Variants in HIPK2 observed in about 807,000 individuals in gnomAD.
HIPK2 encodes the protein homeodomain interacting protein kinase 2, also known as homeodomain-interacting protein kinase 2.
A neutral mutation model predicts 113.7 loss-of-function variants in HIPK2; 27 were observed. That is an observed-to-expected ratio of 0.24 (90% CI 0.17 to 0.33). The LOEUF is 0.33. HIPK2 is among the 10% of genes least tolerant of loss of function. The pLI is 1.00. For synonymous variants in HIPK2, 631 were observed against 642.2 expected (o/e 0.98, Z 0.26); for missense variants, 1,257 against 1,588.0 (o/e 0.79, Z 3.54).
chr7:139,645,476 G>A (rs765539411), intron 2 of HIPK2, among the ~76,000 whole-genome samples: 14 of 152,166 alleles, frequency 9.2e-5, no homozygotes, highest in African/African-American at 3.1e-4. Flanking sequence ...AACAGGTATC[G>A]TCTGAGGAGG....
intron 2 of HIPK2, among the ~76,000 whole-genome samples, chr7:139,710,576 A>G (rs1795032360): frequency 6.6e-6 from 1 of 152,206 alleles, no homozygotes; most frequent in South Asian, 2.1e-4. Context: ...AGAGACTGTG[A>G]ACTCTGCAAG....
chr7:139,592,137 T>G (rs961509193), intron 12 of HIPK2, among the ~76,000 whole-genome samples: 3 of 152,262 alleles, frequency 2.0e-5, no homozygotes, highest in African/African-American at 7.2e-5. Flanking sequence ...GGTCAAATTT[T>G]TTTTATATAT....
intron 2 of HIPK2, among the ~76,000 whole-genome samples, chr7:139,654,340 T>C (rs1419238068): frequency 6.6e-6 from 1 of 151,156 alleles, no homozygotes; most frequent in Non-Finnish European, 1.5e-5. Flanking sequence ...AGCGAGACTT[T>C]GTCTACAAAA....
chr7:139,671,750 C>T (rs1802309932), intron 2 of HIPK2, among the ~76,000 whole-genome samples: 1 of 152,192 alleles, frequency 6.6e-6, no homozygotes, highest in African/African-American at 2.4e-5. Flanking sequence ...CAGGGTTTCA[C>T]CATGTTGGCC....
At chr7:139,734,208 C>T (rs1251858978) in intron 1 of HIPK2, among the ~76,000 whole-genome samples, 1 of 152,194 alleles carries the variant, frequency 6.6e-6, no homozygotes, top group Non-Finnish European at 1.5e-5. Flanking sequence ...GCATCACTTC[C>T]ATTCCCCAGG....
chr7:139,587,015 A>C (rs1190251920), intron 12 of HIPK2, among the ~76,000 whole-genome samples: 1 of 152,158 alleles, frequency 6.6e-6, no homozygotes, highest in Admixed American at 6.5e-5. Context: ...AAAATAGATA[A>C]CGGTGATGGC....
chr7:139,684,583 C>T (rs1424936490), intron 2 of HIPK2, among the ~76,000 whole-genome samples: 2 of 152,080 alleles, frequency 1.3e-5, no homozygotes, highest in Admixed American at 6.5e-5. Context: ...ATTAGCTGGA[C>T]ATAGTGATGT....
intron 2 of HIPK2, among the ~76,000 whole-genome samples, chr7:139,672,619 C>T (rs967183959): frequency 8.5e-5 from 13 of 152,228 alleles, no homozygotes; most frequent in Non-Finnish European, 1.6e-4. Flanking sequence ...CCACCACGCC[C>T]GCCTAATTTT....
chr7:139,643,381 T>TACACACACACACAC (rs61058916), intron 2 of HIPK2, among the ~76,000 whole-genome samples: 13 of 148,238 alleles, frequency 8.8e-5, no homozygotes, highest in Non-Finnish European at 1.2e-4. Context: ...ATGTACTAAA[T>TACACACACACACAC]ACACACACAC....
chr7:139,731,119 C>T (rs566716309), intron 1 of HIPK2, among the ~76,000 whole-genome samples: 2 of 152,260 alleles, frequency 1.3e-5, no homozygotes, highest in South Asian at 4.1e-4. Flanking sequence ...AAACTAGTAC[C>T]CTCTGCAAAA....
At chr7:139,761,300 T>C (rs1029811920) in intron 1 of HIPK2, among the ~76,000 whole-genome samples, 1 of 152,190 alleles carries the variant, frequency 6.6e-6, no homozygotes, top group Non-Finnish European at 1.5e-5. Flanking sequence ...ACAAAACCAT[T>C]AAGTAAACGA....
intron 10 of HIPK2, among the ~76,000 whole-genome samples, chr7:139,602,699 C>T (rs1003370621): frequency 6.6e-6 from 1 of 151,712 alleles, no homozygotes; most frequent in East Asian, 1.9e-4. Context: ...GAAAGGCAAT[C>T]TTGCTGAGCA....
chr7:139,649,160 C>T (rs1184264339), intron 2 of HIPK2, among the ~76,000 whole-genome samples: 3 of 152,102 alleles, frequency 2.0e-5, no homozygotes. Context: ...AATTACCACC[C>T]CTCCCACAGA....
At chr7:139,652,296 C>T (rs1042542459) in intron 2 of HIPK2, among the ~76,000 whole-genome samples, 1 of 152,182 alleles carries the variant, frequency 6.6e-6, no homozygotes, top group Non-Finnish European at 1.5e-5. Context: ...AGACGCTGCT[C>T]ACGAGTGGCT....
chr7:139,611,720 T>A (rs888506656), intron 9 of HIPK2, among the ~76,000 whole-genome samples: 3 of 151,880 alleles, frequency 2.0e-5, no homozygotes, highest in African/African-American at 7.3e-5. Flanking sequence ...TTTTAATTTT[T>A]TTTTGTAGAG....
In HIPK2 at chr7:139,573,129, T is replaced by C. The variant is rs1798359298; in HGVS notation, c.3395A>G (p.Gln1132Arg). 1.2e-6 allele frequency: 2 copies of C among 1,611,626 alleles called. No homozygotes were observed. Among genetic ancestry groups the C allele is most frequent in the East Asian group, 2.2e-5 (1 of 44,804 alleles). Residue 1132 changes from glutamine (Q) to arginine (R), a missense_variant, in exon 15 of 15, where the codon CAG becomes CGG. By Grantham distance (43) the Gln-to-Arg change is conservative. Coordinates refer to ENST00000406875, the MANE Select transcript of HIPK2 (RefSeq NM_022740.5). ...ASQGSARHTV[Q>R]HTAYPASIVH... is the part of the protein sequence containing the mutation. ...GATGCTGGCTGGGTAGGCAGTGTGC[T>C]GCACGGTGTGGCGCGCAGAGCCTTG...
rs1376142238 is a variant in HIPK2 at position 139,745,152 on chromosome 7, C to T, written c.20-28137G>A. ...GGGCATGCAGGTCAACAGGCATTCA[C>T]CAACCTTCAAACATGCCAGCCTCAC... On this transcript the variant is annotated intron_variant, in intron 1 of 14. Coordinates refer to ENST00000406875, the MANE Select transcript of HIPK2 (RefSeq NM_022740.5). Among the ~76,000 whole-genome samples, 3 of 152,324 alleles carry T rather than the reference C, an allele frequency of 2.0e-5. 1 individual carries two copies. The highest frequency in any genetic ancestry group is 1.9e-4 in the East Asian group (1 of 5,186).
intron 2 of HIPK2, among the ~76,000 whole-genome samples, chr7:139,677,894 T>A (rs1265032374): frequency 1.3e-5 from 2 of 152,242 alleles, no homozygotes; most frequent in African/African-American, 4.8e-5. Flanking sequence ...GTTTCCTGAC[T>A]TTTTAATGAT....
chr7:139,771,468 G>A (rs546361561), intron 1 of HIPK2, among the ~76,000 whole-genome samples: 1 of 151,678 alleles, frequency 6.6e-6, no homozygotes, highest in Non-Finnish European at 1.5e-5. Flanking sequence ...CGAAATGAAT[G>A]CGAGCTACAG....
Sources: allele counts gnomAD v4.1 joint callset (sites outside exome capture counted in the v4.1 genomes callset), GRCh38; gene constraint gnomAD v4.1.1; transcripts MANE v1.5; gene names NCBI Gene and HGNC (gene_info 2026-07-23, HGNC 2026-07-21).